The following SMARCA2 variants were observed in gnomAD, a reference collection of about 807,000 sequenced individuals.
SMARCA2 encodes SWI/SNF-related matrix-associated actin-dependent regulator of chromatin subfamily A member 2.
SMARCA2 carries 61 observed loss-of-function variants against 199.8 expected under a neutral mutation model. The ratio of observed to expected loss-of-function variants is 0.31; its 90% CI spans 0.25 to 0.38. The LOEUF is 0.38. SMARCA2 is among the 10% of genes least tolerant of loss of function. The probability of loss-of-function intolerance (pLI) is 1.00; values close to 1 mark genes in which losing one functional copy is unlikely to be tolerated. For synonymous variants in SMARCA2, 935 were observed against 732.0 expected (o/e 1.28, Z -4.48); for missense variants, 1,344 against 2,012.2 (o/e 0.67, Z 6.35).
intron 29 of SMARCA2, among the ~76,000 whole-genome samples, chr9:2,180,094 G>A (rs1261821284): frequency 6.6e-6 from 1 of 152,144 alleles, no homozygotes. Flanking sequence ...AGATGTGAGG[G>A]GTAGGGGTGG....
In SMARCA2 at chr9:2,170,332, C is replaced by CCT. The variant is rs1412238389; in HGVS notation, c.4200-86_4200-85insTC. The CCT allele has an allele frequency of 6.4e-7, 1 of 1,566,156 alleles. No individual in the cohort carries two copies. The highest frequency in any genetic ancestry group is 2.3e-5 in the East Asian group (1 of 43,064). On this transcript the variant is annotated intron_variant, in intron 28 of 33. Transcript: ENST00000349721. The surrounding 1 kb of genome is among the most constrained non-coding windows in gnomAD (Gnocchi z 4.7). ...GGTTGGTGAGGAGACTGAGGCTTGG[C>CCT]CAGGTCACCCAGCCTAGGAAGAAGG... is the stretch of plus-strand genomic sequence containing the variant.
At chr9:2,185,909 T>C (rs1034964914) in intron 31 of SMARCA2, among the ~76,000 whole-genome samples, 187 bp from the exon 32 acceptor site, 1 of 152,236 alleles carries the variant, frequency 6.6e-6, no homozygotes, top group Admixed American at 6.5e-5. Context: ...TTGGACTTTC[T>C]GTATGAATGT....
chr9:2,018,687 G>T (rs943740212), intron 1 of SMARCA2, among the ~76,000 whole-genome samples: 2 of 152,198 alleles, frequency 1.3e-5, no homozygotes, highest in South Asian at 4.1e-4. Context: ...TGTTGCTTGG[G>T]CGTTGAGTAG....
intron 32 of SMARCA2, among the ~76,000 whole-genome samples, chr9:2,188,319 T>C (rs910492914): frequency 6.6e-6 from 1 of 152,162 alleles, no homozygotes; most frequent in African/African-American, 2.4e-5. Context: ...TGAAAAGATG[T>C]AAAATGTATG....
chr9:2,177,738 GA>G, intron 29 of SMARCA2, among the ~76,000 whole-genome samples: 2 of 152,174 alleles, frequency 1.3e-5, no homozygotes, highest in African/African-American at 4.8e-5. Flanking sequence ...TTTTAGTAGA[GA>G]GGGGGTTTCT....
chr9:2,167,802 A>G (rs58535937), intron 28 of SMARCA2, among the ~76,000 whole-genome samples: 44,119 of 151,946 alleles, frequency 0.29, 7,069 homozygotes, highest in African/African-American at 0.44. Flanking sequence ...TCTTGAATAT[A>G]ACTATAGGGT....
chr9:2,102,385 A>G (rs1375366537), intron 22 of SMARCA2, among the ~76,000 whole-genome samples: 1 of 152,104 alleles, frequency 6.6e-6, no homozygotes, highest in Non-Finnish European at 1.5e-5. Flanking sequence ...AAACACAGCT[A>G]TAGGGTATTT....
At chr9:2,130,329 T>G (rs997887890) in intron 27 of SMARCA2, among the ~76,000 whole-genome samples, 1 of 152,252 alleles carries the variant, frequency 6.6e-6, no homozygotes, top group Non-Finnish European at 1.5e-5. Flanking sequence ...TGTGCCATTC[T>G]GAGAATCCCG....
At chr9:2,153,316 C>T (rs527867818) in intron 27 of SMARCA2, among the ~76,000 whole-genome samples, 4 of 152,294 alleles carry the variant, frequency 2.6e-5, no homozygotes, top group African/African-American at 9.6e-5. Flanking sequence ...GCAGGAAGAT[C>T]GCTTGCGCCC....
At chr9:2,175,880 T>C (rs1174945893) in intron 29 of SMARCA2, among the ~76,000 whole-genome samples, 1 of 152,032 alleles carries the variant, frequency 6.6e-6, no homozygotes, top group African/African-American at 2.4e-5. Context: ...TTTTTTTTGT[T>C]TGTTTGTTTG....
chr9:2,125,150 G>T (rs1823633217), intron 27 of SMARCA2, among the ~76,000 whole-genome samples: 1 of 152,180 alleles, frequency 6.6e-6, no homozygotes, highest in Admixed American at 6.5e-5. Context: ...GATGTTGTAT[G>T]ATGAGAGGGA....
chr9:2,058,001 C>T (rs907877829), intron 7 of SMARCA2, among the ~76,000 whole-genome samples: 12 of 152,172 alleles, frequency 7.9e-5, no homozygotes, highest in African/African-American at 2.7e-4. Context: ...TTTTGTAGGT[C>T]TCTTTCAGTC....
At chr9:2,177,673 C>G in intron 29 of SMARCA2, among the ~76,000 whole-genome samples, 1 of 152,126 alleles carries the variant, frequency 6.6e-6, no homozygotes, top group Non-Finnish European at 1.5e-5. Context: ...CTGCCTCAGC[C>G]TCCCTAGTAG....
chr9:2,118,840 TTTTTTTGTTACTGATACC>T (rs2130610037), intron 25 of SMARCA2, among the ~76,000 whole-genome samples: 1 of 152,222 alleles, frequency 6.6e-6, no homozygotes, highest in South Asian at 2.1e-4. Flanking sequence ...ATTTTGAGGT[TTTTTTTGTTACTGATACC>T]TTTTTAGTTA....
rs1323955117 is a variant in SMARCA2, at chr9:2,086,936, C to G, written c.2634C>G (p.Leu878=). 29 of 1,614,192 alleles carry G rather than the reference C, an allele frequency of 1.8e-5. No individual in the cohort carries two copies. The highest frequency in any genetic ancestry group is 2.5e-5 in the Non-Finnish European group (29 of 1,180,018). Reference sequence around the variant, plus strand: ...ACTATGTGGCCCCCAGAAGGATCCTCTTGACTGGGACCCCGCTGCAGAATA... The same window carrying G: ...ACTATGTGGCCCCCAGAAGGATCCTGTTGACTGGGACCCCGCTGCAGAATA... ...NTHYVAPRRI[L]LTGTPLQNKL... Residue 878 remains leucine, a synonymous_variant, in exon 18 of 34, where the codon CTC becomes CTG. Coordinates refer to ENST00000349721, the MANE Select transcript of SMARCA2 (RefSeq NM_003070.5). This position sits in a 1 kb window ranked among gnomAD's most constrained non-coding sequence, Gnocchi z 4.3.
rs1467495018 is a variant in SMARCA2 at position 2,193,425 on chromosome 9, G to C, written c.*686G>C. ...AATATTGCAATCTATATAGTGTATTGGATGGCTTCTTTTGTCACCCTGATC... is the reference window on the plus strand; with the variant it reads ...AATATTGCAATCTATATAGTGTATTCGATGGCTTCTTTTGTCACCCTGATC... On this transcript the variant is annotated 3_prime_UTR_variant, in exon 34 of 34. Transcript: ENST00000349721. 2 of 152,546 alleles carry C rather than the reference G, an allele frequency of 1.3e-5. No homozygotes were observed. Among genetic ancestry groups the C allele is most frequent in the Admixed American group, 1.3e-4 (2 of 15,278 alleles). The allele number at this position is 152,546 out of a possible 1,614,324, so 9.4% of individuals were successfully genotyped here.
In SMARCA2 at chr9:2,191,344, CA is replaced by C; in HGVS notation, c.4676del (p.Asn1559IlefsTer8). On this transcript the variant is annotated frameshift_variant, in exon 33 of 34. Transcript: ENST00000349721. LOFTEE classifies it high-confidence loss of function. ...GRDKGKGKKR[P>X]NRGKAKPVVS... The stretch of plus-strand genomic sequence containing the variant: ...GACAAAGGGAAAGGCAAGAAAAGGC[CA>C]AATCGAGGAAAAGCCAAACCTGTAG... 1 of 1,614,124 alleles carries C rather than the reference CA, an allele frequency of 6.2e-7. No homozygotes were observed. The highest frequency in any genetic ancestry group is 8.5e-7 in the Non-Finnish European group (1 of 1,180,002).
intron 27 of SMARCA2, chr9:2,160,009 T>C (rs754878211): frequency 1.3e-6 from 2 of 1,503,634 alleles, no homozygotes; most frequent in Non-Finnish European, 1.8e-6. Flanking sequence ...TCTCCGTATT[T>C]CTGTGTGCAA....
chr9:2,143,274 G>A (rs7049085), intron 27 of SMARCA2, among the ~76,000 whole-genome samples: 112,952 of 152,112 alleles, frequency 0.74, 42,783 homozygotes, highest in African/African-American at 0.9. Context: ...GTGTGTTTGG[G>A]ACAGAGTTTT....
Sources: gnomAD v4.1 joint callset for allele counts (sites outside exome capture counted in the v4.1 genomes callset) on GRCh38, gnomAD v4.1.1 for gene constraint, Gnocchi (gnomAD v3.1) non-coding constraint, MANE v1.5 for transcripts, NCBI Gene and HGNC (gene_info 2026-07-23, HGNC 2026-07-21) for gene names.